The following PPP5C variants were observed in gnomAD, a reference collection of about 807,000 sequenced individuals.
PPP5C encodes serine/threonine-protein phosphatase 5.
Under a neutral mutation model 66.7 loss-of-function variants are expected in PPP5C, and 21 were observed. That is an observed-to-expected ratio of 0.31 (90% CI 0.22 to 0.45). The LOEUF (loss-of-function observed/expected upper bound fraction) is 0.45, where lower values mean the gene tolerates loss of function less well. Ranked by LOEUF, PPP5C falls within the 20% of genes least tolerant of loss-of-function variation. PPP5C has a pLI of 1.00. For synonymous variants in PPP5C, 246 were observed against 257.4 expected (o/e 0.96, Z 0.43); for missense variants, 464 against 675.9 (o/e 0.69, Z 3.48).
rs1972832189 is a variant in PPP5C, at chr19:46,383,591, C to A, written c.699+115C>A. 1.7e-6 allele frequency: 2 copies of A among 1,185,758 alleles called. No homozygotes were observed. The highest frequency in any genetic ancestry group is 1.2e-6 in the Non-Finnish European group (1 of 841,666). The allele number at this position is 1,185,758 out of a possible 1,614,324, so 73.5% of individuals were successfully genotyped here. The stretch of plus-strand genomic sequence containing the variant: ...ACCTCCCTCTCTCCCTCACACCCCA[C>A]CCCTGTGCCTTTCCTCCTGAATATC... On this transcript the variant is annotated intron_variant, in intron 5 of 12. Coordinates refer to ENST00000012443, the MANE Select transcript of PPP5C (RefSeq NM_006247.4). The surrounding 1 kb of genome is among the most constrained non-coding windows in gnomAD (Gnocchi z 5.0).
chr19:46,371,671 A>G (rs1972595656), intron 2 of PPP5C, among the ~76,000 whole-genome samples: 1 of 152,194 alleles, frequency 6.6e-6, no homozygotes, highest in South Asian at 2.1e-4. Flanking sequence ...CTTATTATAC[A>G]GAGAATGCTG....
At chr19:46,385,030 AC>A in intron 7 of PPP5C, 121 bp downstream of exon 7, 1 of 763,708 alleles carries the variant, frequency 1.3e-6, no homozygotes, top group South Asian at 1.5e-5. Context: ...GCACAGGGCG[AC>A]CTTTTAAGAT....
chr19:46,383,358 G>T lies in PPP5C; in HGVS notation c.634-53G>T. ...TGGGCAGTCCAGGCTTTCGGGGCCA[G>T]GTTGGGCAGCAGCCCCTGCAGCCGG... On this transcript the variant is annotated intron_variant, in intron 4 of 12. Coordinates refer to ENST00000012443, the MANE Select transcript of PPP5C (RefSeq NM_006247.4). The surrounding 1 kb of genome is among the most constrained non-coding windows in gnomAD (Gnocchi z 5.0). 1 of 1,588,662 alleles carries T rather than the reference G, an allele frequency of 6.3e-7. No individual in the cohort carries two copies. The highest frequency in any genetic ancestry group is 2.3e-5 in the East Asian group (1 of 42,972).
intron 4 of PPP5C, chr19:46,382,915 T>C: frequency 9.2e-7 from 1 of 1,086,168 alleles, no homozygotes; most frequent in Admixed American, 4.8e-5. Flanking sequence ...TATTAGTATT[T>C]TAATTCTCCC....
chr19:46,348,135 A>G (rs1212261428), intron 1 of PPP5C, among the ~76,000 whole-genome samples: 1 of 151,706 alleles, frequency 6.6e-6, no homozygotes, highest in East Asian at 1.9e-4. Flanking sequence ...ACTGGAGAGG[A>G]GTGTTCCAGG....
intron 1 of PPP5C, among the ~76,000 whole-genome samples, chr19:46,349,786 T>A (rs1163333176): frequency 6.6e-6 from 1 of 151,228 alleles, no homozygotes; most frequent in Admixed American, 6.6e-5. Context: ...CAGAAATAGA[T>A]TCAAGAAGTG....
At chr19:46,378,889 CT>C (rs34623480) in intron 4 of PPP5C, among the ~76,000 whole-genome samples, 20 of 148,438 alleles carry the variant, frequency 1.3e-4, no homozygotes, top group African/African-American at 1.5e-4. Context: ...CAATCTTTAC[CT>C]TTTTTTTTTT....
chr19:46,383,601 T>C lies in PPP5C; in HGVS notation c.699+125T>C, dbSNP rs1972832251. 1.4e-5 allele frequency: 16 copies of C among 1,137,244 alleles called. No individual in the cohort carries two copies. The highest frequency in any genetic ancestry group is 2.0e-5 in the Non-Finnish European group (16 of 799,332). 70.4% of individuals were successfully genotyped at this position (1,137,244 alleles called of 1,614,324 possible). On this transcript the variant is annotated intron_variant, in intron 5 of 12. Transcript: ENST00000012443. The surrounding 1 kb of genome is among the most constrained non-coding windows in gnomAD (Gnocchi z 5.0). ...CTCCCTCACACCCCACCCCTGTGCC[T>C]TTCCTCCTGAATATCCCATTTCTCT...
At chr19:46,384,767 C>G in intron 6 of PPP5C, 37 bp from the exon 7 acceptor site, 3 of 1,452,304 alleles carry the variant, frequency 2.1e-6, no homozygotes, top group Non-Finnish European at 2.9e-6. Flanking sequence ...CCGCACCCTT[C>G]CCCTCCACGC....
rs1351696340 is a variant in PPP5C at position 46,390,189 on chromosome 19, T to C, written c.1437+57T>C. On this transcript the variant is annotated intron_variant, in intron 12 of 12. Coordinates refer to ENST00000012443, the MANE Select transcript of PPP5C (RefSeq NM_006247.4). ...CATCCCGGCCTGGGGACAAGGAGGC[T>C]GAGACCCTGGTAAGGGGCAGGGGTA... 4.3e-6 allele frequency: 7 copies of C among 1,609,664 alleles called. No individual in the cohort carries two copies. The African/African-American group carries it at 6.7e-5, about 15-fold the overall frequency.
chr19:46,387,959 G>A (rs1289905215), intron 9 of PPP5C: 1 of 284,252 alleles, frequency 3.5e-6, no homozygotes, highest in Non-Finnish European at 6.8e-6. Flanking sequence ...TTCCAGGCTT[G>A]AGGAGGGGTC....
At chr19:46,356,285 A>G (rs1001170660) in intron 2 of PPP5C, among the ~76,000 whole-genome samples, 2 of 152,236 alleles carry the variant, frequency 1.3e-5, no homozygotes, top group Non-Finnish European at 2.9e-5. Context: ...ACCTGTCATC[A>G]GGCCATCCAT....
At chr19:46,389,562 C>A (rs1482201211) in intron 11 of PPP5C, among the ~76,000 whole-genome samples, 2 of 151,866 alleles carry the variant, frequency 1.3e-5, no homozygotes, top group Non-Finnish European at 1.5e-5. Context: ...AGGACCTAAA[C>A]AAGGACCACA....
rs781169094 is a variant in PPP5C, at chr19:46,390,876, G to T, written c.*530G>T. 1.6e-5 allele frequency: 18 copies of T among 1,141,732 alleles called. No homozygotes were observed. The East Asian group carries it at 3.8e-4, about 24-fold the overall frequency. 70.7% of individuals were successfully genotyped at this position (1,141,732 alleles called of 1,614,324 possible). A position where few individuals can be genotyped will look rare whatever the true frequency, so the allele number is the denominator to read the frequency against. ...CAGCTTGTCTCTGGATGGTGGAGCC[G>T]AAGGAGCTGCCCGGGTTGGGTTACG... is the stretch of plus-strand genomic sequence containing the variant. On this transcript the variant is annotated 3_prime_UTR_variant, in exon 13 of 13. Coordinates refer to ENST00000012443, the MANE Select transcript of PPP5C (RefSeq NM_006247.4).
At chr19:46,352,625 C>G (rs540017096) in intron 1 of PPP5C, among the ~76,000 whole-genome samples, 199 of 152,210 alleles carry the variant, frequency 1.3e-3, no homozygotes, top group African/African-American at 4.5e-3. Context: ...TCGAGACCAT[C>G]CTGGCTAACA....
At chr19:46,374,455 T>C (rs78317442) in intron 2 of PPP5C, among the ~76,000 whole-genome samples, 3,903 of 152,146 alleles carry the variant, frequency 0.026, 97 homozygotes, top group Admixed American at 0.085. Context: ...GGGGTCTACG[T>C]GACTAAACAG....
chr19:46,383,919 C>T lies in PPP5C; in HGVS notation c.798+41C>T. 6.7e-7 allele frequency: 1 copy of T among 1,498,098 alleles called. No individual in the cohort carries two copies. Among genetic ancestry groups the T allele is most frequent in the Admixed American group, 1.7e-5 (1 of 59,806 alleles). 92.8% of individuals were successfully genotyped at this position (1,498,098 alleles called of 1,614,324 possible). A position where few individuals can be genotyped will look rare whatever the true frequency, so the allele number is the denominator to read the frequency against. ...GAGCCACCCTCTCCCCACCTCCACC[C>T]CCAGCCGCAGCCTCAGGTCTGCACA... On this transcript the variant is annotated intron_variant, in intron 6 of 12. Coordinates refer to ENST00000012443, the MANE Select transcript of PPP5C (RefSeq NM_006247.4). This position sits in a 1 kb window ranked among gnomAD's most constrained non-coding sequence, Gnocchi z 5.0.
chr19:46,383,559 C>G lies in PPP5C; in HGVS notation c.699+83C>G. On this transcript the variant is annotated intron_variant, in intron 5 of 12. Transcript: ENST00000012443. This position sits in a 1 kb window ranked among gnomAD's most constrained non-coding sequence, Gnocchi z 5.0. Reference sequence around the variant, plus strand: ...AGGGGCCACAGAGCTCAGGAACTCACGGATCCACCTCCCTCTCTCCCTCAC... The same window carrying G: ...AGGGGCCACAGAGCTCAGGAACTCAGGGATCCACCTCCCTCTCTCCCTCAC... 2 of 1,364,634 alleles carry G rather than the reference C, an allele frequency of 1.5e-6. No homozygotes were observed. The highest frequency in any genetic ancestry group is 2.1e-5 in the Admixed American group (1 of 47,676). 84.5% of individuals were successfully genotyped at this position (1,364,634 alleles called of 1,614,324 possible).
At chr19:46,372,647 G>A (rs1036839273) in intron 2 of PPP5C, among the ~76,000 whole-genome samples, 3 of 152,178 alleles carry the variant, frequency 2.0e-5, no homozygotes, top group Non-Finnish European at 1.5e-5. Context: ...ATGAGTACTC[G>A]CTGACGAAGA....
Sources: allele counts gnomAD v4.1 joint callset (sites outside exome capture counted in the v4.1 genomes callset), GRCh38; gene constraint gnomAD v4.1.1; non-coding constraint Gnocchi (gnomAD v3.1); transcripts MANE v1.5; gene names NCBI Gene and HGNC (gene_info 2026-07-23, HGNC 2026-07-21).